SORCS2: variants seen among roughly 807,000 people sequenced by gnomAD.
The protein encoded by SORCS2 is sortilin related VPS10 domain containing receptor 2, also known as VPS10 domain-containing receptor SorCS2.
Under a neutral mutation model 141.6 loss-of-function variants are expected in SORCS2, and 100 were observed. That is an observed-to-expected ratio of 0.71 (90% CI 0.60 to 0.83). SORCS2 has a LOEUF of 0.83. SORCS2 is among the 40% of genes least tolerant of loss of function. SORCS2 has a pLI of 0.00. For synonymous variants in SORCS2, 789 were observed against 676.9 expected, an observed-to-expected ratio of 1.17 and a Z score of -2.57; for missense variants, 1,646 against 1,560.2, an observed-to-expected ratio of 1.05 and a Z score of -0.93.
Position 7,687,476 on chromosome 4 carries a change from C to T in SORCS2, c.1489-2010C>T, listed in dbSNP as rs1330055043. On this transcript the variant is annotated intron_variant, in intron 10 of 26. Transcript: ENST00000507866. ...AACGTCTTAACACCTCACAGGTTTT[C>T]ATTGGGGCCCATTTGTCACTATTGG... is the stretch of plus-strand genomic sequence containing the variant. Among the ~76,000 whole-genome samples, 3 of 152,128 alleles carry T rather than the reference C, an allele frequency of 2.0e-5. No individual in the cohort carries two copies. In the South Asian group the frequency reaches 6.2e-4, roughly 32 times the overall value.
At chr4:7,532,703 C>T (rs970737485) in intron 3 of SORCS2, among the ~76,000 whole-genome samples, 10 of 151,088 alleles carry the variant, frequency 6.6e-5, no homozygotes, top group African/African-American at 1.7e-4. Flanking sequence ...GTCTATGGAA[C>T]GAGGGGGCTG....
chr4:7,301,380 G>A (rs1479623782), intron 1 of SORCS2, among the ~76,000 whole-genome samples: 1 of 152,224 alleles, frequency 6.6e-6, no homozygotes, highest in East Asian at 1.9e-4. Flanking sequence ...ACAGGCCCAG[G>A]GAGGGACGAG....
rs376364076 is a variant in SORCS2, at chr4:7,585,084, G to A, written c.649-53244G>A. 5.5e-4 allele frequency among the ~76,000 whole-genome samples: 84 copies of A among 152,242 alleles called. No homozygotes were observed. In the South Asian group the frequency reaches 0.017, roughly 30 times the overall value. On this transcript the variant is annotated intron_variant, in intron 3 of 26. Transcript: ENST00000507866. ...GAGTCTCAGAAATTGCTCTGTTGATGGACAGGAGGAAGAGGTGAAGGGAGA... is the reference window on the plus strand; with the variant it reads ...GAGTCTCAGAAATTGCTCTGTTGATAGACAGGAGGAAGAGGTGAAGGGAGA...
At chr4:7,404,949 C>G (rs1724877925) in intron 2 of SORCS2, among the ~76,000 whole-genome samples, 1 of 151,946 alleles carries the variant, frequency 6.6e-6, no homozygotes. Flanking sequence ...TTCAGAAGAG[C>G]TTTCCCTAGG....
chr4:7,372,514 G>A (rs1424672279), intron 1 of SORCS2, among the ~76,000 whole-genome samples: 3 of 152,220 alleles, frequency 2.0e-5, no homozygotes, highest in South Asian at 4.1e-4. Context: ...CACCATGTTG[G>A]CCAGGCTGAT....
intron 3 of SORCS2, among the ~76,000 whole-genome samples, chr4:7,573,943 C>T (rs902439072): frequency 4.6e-5 from 7 of 152,238 alleles, no homozygotes; most frequent in African/African-American, 7.2e-5. Flanking sequence ...CTGGCACACG[C>T]GTCCACTCAG....
chr4:7,257,709 A>G (rs1281612860), intron 1 of SORCS2, among the ~76,000 whole-genome samples: 2 of 152,284 alleles, frequency 1.3e-5, no homozygotes, highest in South Asian at 4.1e-4. Context: ...GAAAGGTGCC[A>G]TGTGCTCTAC....
At chr4:7,397,718 C>G (rs551250014) in intron 2 of SORCS2, among the ~76,000 whole-genome samples, 2 of 152,212 alleles carry the variant, frequency 1.3e-5, no homozygotes, top group Non-Finnish European at 2.9e-5. Flanking sequence ...AATGTCATTG[C>G]TGCTCTTTGA....
intron 2 of SORCS2, among the ~76,000 whole-genome samples, chr4:7,512,413 G>A (rs1166531786): frequency 7.0e-6 from 1 of 143,018 alleles, no homozygotes; most frequent in Non-Finnish European, 1.5e-5. Flanking sequence ...GGAAAGAAGG[G>A]AGGGAGGGAG....
chr4:7,657,904 G>A (rs983875934), intron 5 of SORCS2, among the ~76,000 whole-genome samples: 4 of 152,074 alleles, frequency 2.6e-5, no homozygotes, highest in East Asian at 3.9e-4. Flanking sequence ...GTGAGTGAAT[G>A]AGTGAGTCTA....
intron 2 of SORCS2, chr4:7,434,144 C>T: frequency 6.2e-7 from 1 of 1,613,874 alleles, no homozygotes; most frequent in Non-Finnish European, 8.5e-7. Context: ...CTGCAGAGCT[C>T]CTGCGGGGGG....
chr4:7,338,423 G>GATGT (rs1720158284), intron 1 of SORCS2, among the ~76,000 whole-genome samples: 1 of 151,612 alleles, frequency 6.6e-6, no homozygotes, highest in Non-Finnish European at 1.5e-5. Context: ...TGGATGGAAG[G>GATGT]ATGGATGGAT....
chr4:7,583,561 A>G (rs1716321926), intron 3 of SORCS2, among the ~76,000 whole-genome samples: 1 of 152,198 alleles, frequency 6.6e-6, no homozygotes, highest in Non-Finnish European at 1.5e-5. Context: ...TAACTGAATC[A>G]TGGGGGCAGT....
chr4:7,543,655 TCCAC>T (rs1157771707), intron 3 of SORCS2, among the ~76,000 whole-genome samples: 2 of 117,232 alleles, frequency 1.7e-5, no homozygotes, highest in Admixed American at 8.5e-5. Context: ...CGTCCATCCA[TCCAC>T]CCACCCATCC....
At chr4:7,434,076 G>A (rs1179275256) in intron 2 of SORCS2, 2 of 1,611,626 alleles carry the variant, frequency 1.2e-6, no homozygotes, top group South Asian at 1.1e-5. Context: ...CCCCGTCCAT[G>A]GCCACTACTT....
chr4:7,657,856 A>AAGTGAATGAGTGAGTGAGTCACTG (rs955469607), intron 5 of SORCS2, among the ~76,000 whole-genome samples: 1 of 138,890 alleles, frequency 7.2e-6, no homozygotes, highest in African/African-American at 2.7e-5. Flanking sequence ...GTGAATGAGT[A>AAGTGAATGAGTGAGTGAGTCACTG]AGTGAATGAG....
chr4:7,407,601 A>C (rs1725050231), intron 2 of SORCS2, among the ~76,000 whole-genome samples: 1 of 152,072 alleles, frequency 6.6e-6, no homozygotes, highest in African/African-American at 2.4e-5. Context: ...CATAGGCATG[A>C]TATAGTTGAG....
At chr4:7,267,521 T>C (rs187299703) in intron 1 of SORCS2, among the ~76,000 whole-genome samples, 75 of 152,154 alleles carry the variant, frequency 4.9e-4, no homozygotes, top group African/African-American at 1.8e-3. Context: ...GGAGGAAAGA[T>C]GGAATGGATG....
At chr4:7,591,515 G>A (rs1716910447) in intron 3 of SORCS2, among the ~76,000 whole-genome samples, 1 of 152,194 alleles carries the variant, frequency 6.6e-6, no homozygotes, top group Non-Finnish European at 1.5e-5. Flanking sequence ...CCACCGAATG[G>A]GAAGTGTGGA....
Sources: gnomAD v4.1 joint callset for allele counts (sites outside exome capture counted in the v4.1 genomes callset) on GRCh38, gnomAD v4.1.1 for gene constraint, MANE v1.5 for transcripts, NCBI Gene and HGNC (gene_info 2026-07-23, HGNC 2026-07-21) for gene names.